Variants in ADGRL3 observed in about 807,000 individuals in gnomAD.
The protein encoded by ADGRL3 is calcium-independent alpha-latrotoxin receptor 3.
In ADGRL3, 62 loss-of-function variants were observed where a neutral mutation model predicts 153.5. The observed-to-expected ratio is 0.40, with a 90% CI of 0.33 to 0.50. The LOEUF is 0.50. Ranked by LOEUF, ADGRL3 falls within the 20% of genes least tolerant of loss-of-function variation. The pLI, the probability that ADGRL3 is intolerant of heterozygous loss-of-function variation, is 0.47. For synonymous variants in ADGRL3, 710 were observed against 672.5 expected, an observed-to-expected ratio of 1.06 and a Z score of -0.86; for missense variants, 1,641 against 1,859.4, an observed-to-expected ratio of 0.88 and a Z score of 2.16.
chr4:61,473,177 G>C (rs927639344), intron 2 of ADGRL3, among the ~76,000 whole-genome samples: 4 of 149,718 alleles, frequency 2.7e-5, no homozygotes, highest in Non-Finnish European at 5.9e-5. Context: ...AATTTCGGCA[G>C]TGAAAGGAAA....
chr4:61,750,446 C>G (rs1489187147), intron 8 of ADGRL3, among the ~76,000 whole-genome samples: 1 of 152,118 alleles, frequency 6.6e-6, no homozygotes, highest in African/African-American at 2.4e-5. Flanking sequence ...TAAAAGAATA[C>G]AGGTGCCACA....
intron 2 of ADGRL3, among the ~76,000 whole-genome samples, chr4:61,438,317 T>C (rs1028459228): frequency 4.0e-5 from 6 of 150,048 alleles, no homozygotes; most frequent in Middle Eastern, 3.2e-3. Flanking sequence ...CATTAACCTG[T>C]TGTATCTCCT....
chr4:61,892,781 A>G lies in ADGRL3; in HGVS notation c.1606A>G (p.Ser536Gly), dbSNP rs370321098. Reference sequence around the variant, plus strand: ...GTCAGGAAGAAGAAACCGGAGTACTAGTACCCCATCTCCAGCTGTCGAGGT... The same window carrying G: ...GTCAGGAAGAAGAAACCGGAGTACTGGTACCCCATCTCCAGCTGTCGAGGT... ...SVSGRRNRSTSTPSPAVEVLD... is the reference protein window; with the variant it reads ...SVSGRRNRSTGTPSPAVEVLD... Residue 536 changes from serine (S) to glycine (G), a missense_variant, in exon 10 of 27, where the codon AGT becomes GGT. Ser to Gly is a moderately conservative substitution (Grantham distance 56). Transcript: ENST00000683033. 4.6e-5 allele frequency: 74 copies of G among 1,613,792 alleles called. No homozygotes were observed. The highest frequency in any genetic ancestry group is 5.9e-5 in the Non-Finnish European group (70 of 1,179,868).
chr4:61,224,592 A>G (rs1747086121), intron 1 of ADGRL3, among the ~76,000 whole-genome samples: 1 of 152,210 alleles, frequency 6.6e-6, no homozygotes. Flanking sequence ...TGTTTAACGT[A>G]TGTCAGTAGA....
chr4:61,977,217 CTT>C (rs77097620), intron 17 of ADGRL3, among the ~76,000 whole-genome samples: 7 of 135,368 alleles, frequency 5.2e-5, no homozygotes, highest in Admixed American at 7.4e-5. Context: ...TTTTCTTGTT[CTT>C]TTTTTTTTTT....
At chr4:61,823,113 C>T (rs557138125) in intron 9 of ADGRL3, among the ~76,000 whole-genome samples, 27 of 152,296 alleles carry the variant, frequency 1.8e-4, no homozygotes, top group Non-Finnish European at 3.5e-4. Flanking sequence ...AAATCCCATG[C>T]GGAGATTCCT....
chr4:61,280,397 GC>G (rs1298080516), intron 1 of ADGRL3, among the ~76,000 whole-genome samples: 1 of 134,726 alleles, frequency 7.4e-6, no homozygotes, highest in Non-Finnish European at 1.6e-5. Flanking sequence ...ATGAGCCACT[GC>G]GCCTGGCCTT....
intron 21 of ADGRL3, among the ~76,000 whole-genome samples, chr4:61,999,087 C>A (rs551691832): frequency 2.0e-5 from 3 of 152,266 alleles, no homozygotes; most frequent in African/African-American, 7.2e-5. Flanking sequence ...GATAAAGAAA[C>A]CTTCCTAATG....
chr4:61,553,163 A>G (rs1276991868), intron 4 of ADGRL3, among the ~76,000 whole-genome samples: 1 of 152,218 alleles, frequency 6.6e-6, no homozygotes, highest in African/African-American at 2.4e-5. Flanking sequence ...TTGCCTGGAC[A>G]GATCTCTCTT....
chr4:61,609,666 A>C (rs1466878880), intron 5 of ADGRL3, among the ~76,000 whole-genome samples: 1 of 152,068 alleles, frequency 6.6e-6, no homozygotes, highest in Non-Finnish European at 1.5e-5. Flanking sequence ...AATCCTGATT[A>C]TGCAGCCCAG....
intron 4 of ADGRL3, among the ~76,000 whole-genome samples, chr4:61,574,006 A>G (rs1355456686): frequency 2.0e-5 from 3 of 152,040 alleles, no homozygotes; most frequent in South Asian, 4.1e-4. Context: ...ATACATTCAT[A>G]GTTTATTTTT....
intron 1 of ADGRL3, among the ~76,000 whole-genome samples, chr4:61,364,102 C>T (rs544599252): frequency 1.3e-5 from 2 of 151,808 alleles, no homozygotes; most frequent in East Asian, 1.9e-4. Flanking sequence ...GAGGCCAAGC[C>T]GGGTGGATCA....
chr4:61,285,993 T>A (rs1578121795), intron 1 of ADGRL3, among the ~76,000 whole-genome samples: 1 of 151,646 alleles, frequency 6.6e-6, no homozygotes, highest in East Asian at 1.9e-4. Flanking sequence ...TTTGATTTAT[T>A]CTGCTATAAA....
At chr4:61,754,776 C>T (rs900586107) in intron 8 of ADGRL3, among the ~76,000 whole-genome samples, 3 of 152,118 alleles carry the variant, frequency 2.0e-5, no homozygotes, top group Non-Finnish European at 2.9e-5. Context: ...CCCCTCCCCC[C>T]ACACCAAAAT....
intron 1 of ADGRL3, among the ~76,000 whole-genome samples, chr4:61,226,549 T>C (rs1308890019): frequency 1.3e-5 from 2 of 152,166 alleles, no homozygotes; most frequent in African/African-American, 4.8e-5. Context: ...GAGAGTTCAT[T>C]TTATGATATT....
chr4:61,874,596 GTTT>G (rs11335054), intron 9 of ADGRL3, among the ~76,000 whole-genome samples: 1 of 145,076 alleles, frequency 6.9e-6, no homozygotes. Context: ...GTTTGCATGT[GTTT>G]TTTTTTTTTC....
rs75129725 is a variant in ADGRL3 at position 61,225,934 on chromosome 4, A to G, written c.-240+24169A>G. 3.3e-3 allele frequency among the ~76,000 whole-genome samples: 500 copies of G among 152,156 alleles called. 5 individuals are homozygous for G. The highest frequency in any genetic ancestry group is 0.012 in the African/African-American group (490 of 41,530). ...CCTTGTCTTCTTTAATATCTTTTCC[A>G]TCACTGCTTTCTACCTTCTTGTTCT... On this transcript the variant is annotated intron_variant, in intron 1 of 26. Coordinates refer to ENST00000683033, the MANE Select transcript of ADGRL3 (RefSeq NM_001387552.1).
chr4:61,929,715 A>G (rs2098809413), intron 13 of ADGRL3, among the ~76,000 whole-genome samples: 2 of 152,158 alleles, frequency 1.3e-5, no homozygotes, highest in African/African-American at 4.8e-5. Flanking sequence ...GGAAACAAAT[A>G]TGAGACATCT....
At chr4:61,429,650 C>A (rs1219545988) in intron 2 of ADGRL3, among the ~76,000 whole-genome samples, 1 of 151,866 alleles carries the variant, frequency 6.6e-6, no homozygotes, top group Non-Finnish European at 1.5e-5. Context: ...TGTAAAAGGT[C>A]AATAAATGAT....
Sources: gnomAD v4.1 joint callset for allele counts (sites outside exome capture counted in the v4.1 genomes callset) on GRCh38, gnomAD v4.1.1 for gene constraint, MANE v1.5 for transcripts, NCBI Gene and HGNC (gene_info 2026-07-23, HGNC 2026-07-21) for gene names.